DNASE1: variants seen among roughly 807,000 people sequenced by gnomAD.
The protein encoded by DNASE1 is deoxyribonuclease-1.
Under a neutral mutation model 33.9 loss-of-function variants are expected in DNASE1, and 40 were observed. The observed-to-expected ratio is 1.18, with a 90% CI of 0.92 to 1.54. DNASE1 has a LOEUF of 1.54. Among genes scored for constraint, DNASE1 ranks in the 40% most tolerant of loss-of-function variants. The pLI, the probability that DNASE1 is intolerant of heterozygous loss-of-function variation, is 0.00. For synonymous variants in DNASE1, 216 were observed against 160.0 expected (o/e 1.35, Z -2.64); for missense variants, 518 against 372.6 (o/e 1.39, Z -3.21).
intron 1 of DNASE1, among the ~76,000 whole-genome samples, chr16:3,625,876 G>T (rs1201289407): frequency 6.6e-6 from 1 of 152,222 alleles, no homozygotes; most frequent in Admixed American, 6.5e-5. Flanking sequence ...GAGGCAGAAG[G>T]ATCGCTTTAG....
chr16:3,658,857 A>C, downstream of DNASE1: 1 of 1,614,032 alleles, frequency 6.2e-7, no homozygotes, highest in Admixed American at 1.7e-5. Flanking sequence ...CTTCTTGATG[A>C]GCGCGTGCCT....
chr16:3,633,476 T>TAATCCCAGCTACTC (rs1402050513), intron 1 of DNASE1, among the ~76,000 whole-genome samples: 1 of 151,926 alleles, frequency 6.6e-6, no homozygotes, highest in Non-Finnish European at 1.5e-5. Flanking sequence ...GGCGTGGTGG[T>TAATCCCAGCTACTC]GGACGCCTGT....
intron 1 of DNASE1, among the ~76,000 whole-genome samples, chr16:3,620,937 A>G (rs1296060937): frequency 6.6e-6 from 1 of 152,028 alleles, no homozygotes; most frequent in South Asian, 2.1e-4. Context: ...AGTAGCTGGG[A>G]TTACAGGCGC....
upstream of DNASE1, chr16:3,651,481 T>C (rs375763590): frequency 2.6e-5 from 4 of 152,386 alleles, no homozygotes; most frequent in South Asian, 8.3e-4. Context: ...TTCTTGGGCA[T>C]TCCCCAGGCC....
upstream of DNASE1, chr16:3,641,116 G>C (rs968489027): frequency 5.0e-6 from 2 of 396,652 alleles, no homozygotes; most frequent in South Asian, 2.9e-4. Flanking sequence ...CTGTGGCAGG[G>C]TGGCTAGTGG....
intron 1 of DNASE1, among the ~76,000 whole-genome samples, chr16:3,644,110 T>C (rs1264001657): frequency 1.3e-5 from 2 of 152,134 alleles, no homozygotes; most frequent in Non-Finnish European, 2.9e-5. Context: ...TCATAAAAAA[T>C]ATAATGGAAG....
At chr16:3,625,615 C>T (rs1471136266) in intron 1 of DNASE1, among the ~76,000 whole-genome samples, 8 of 149,854 alleles carry the variant, frequency 5.3e-5, no homozygotes, top group Non-Finnish European at 7.4e-5. Flanking sequence ...AGAGCAAGAC[C>T]CTGTGTCAAA....
chr16:3,613,891 G>T (rs1009506971), intron 1 of DNASE1, among the ~76,000 whole-genome samples: 12 of 149,420 alleles, frequency 8.0e-5, no homozygotes, highest in African/African-American at 2.0e-4. Flanking sequence ...ACAGGCGCCC[G>T]CAACCGCGCC....
intron 1 of DNASE1, among the ~76,000 whole-genome samples, chr16:3,646,320 T>A (rs2042170905): frequency 6.6e-6 from 1 of 152,080 alleles, no homozygotes; most frequent in Non-Finnish European, 1.5e-5. Flanking sequence ...CCAGTAATAT[T>A]TTCATGGGCA....
At chr16:3,618,865 T>G (rs2041201903) in intron 1 of DNASE1, among the ~76,000 whole-genome samples, 1 of 151,984 alleles carries the variant, frequency 6.6e-6, no homozygotes, top group Non-Finnish European at 1.5e-5. Context: ...GTTTTGTAAT[T>G]TTTTTTTAGT....
At chr16:3,663,357 T>A in exon 10 of DNASE1, 1 of 1,595,784 alleles carries the variant, frequency 6.3e-7, no homozygotes, top group Admixed American at 1.7e-5. Context: ...AAGCCCTCGC[T>A]GCGGGGCAGG....
chr16:3,622,793 A>G (rs983964886), intron 1 of DNASE1, among the ~76,000 whole-genome samples: 7 of 152,122 alleles, frequency 4.6e-5, no homozygotes, highest in African/African-American at 1.7e-4. Context: ...GTAGAGCTTT[A>G]CAGTTTTTTG....
chr16:3,664,538 C>G, exon 10 of DNASE1: 1 of 1,455,544 alleles, frequency 6.9e-7, no homozygotes, highest in Non-Finnish European at 9.2e-7. Flanking sequence ...CGCAAACCCT[C>G]CGATGCCCAT....
At chr16:3,613,445 C>A (rs1372531594) in intron 1 of DNASE1, among the ~76,000 whole-genome samples, 1 of 152,174 alleles carries the variant, frequency 6.6e-6, no homozygotes, top group Admixed American at 6.5e-5. Flanking sequence ...GTTCATAACA[C>A]AAGTTTTTGT....
intron 5 of DNASE1, 64 bp from the exon 6 acceptor site, chr16:3,656,935 G>C (rs2042691099): frequency 6.3e-7 from 1 of 1,584,448 alleles, no homozygotes; most frequent in Non-Finnish European, 8.6e-7. Flanking sequence ...CATAGTTCCA[G>C]CTGACATGGT....
intron 1 of DNASE1, among the ~76,000 whole-genome samples, chr16:3,644,927 G>A (rs750928073): frequency 9.9e-5 from 15 of 151,000 alleles, no homozygotes; most frequent in South Asian, 2.1e-4. Flanking sequence ...TTAGGAGTTC[G>A]AGACCAGCCT....
chr16:3,654,416 G>A (rs2042462842), upstream of DNASE1: 1 of 398,770 alleles, frequency 2.5e-6, no homozygotes, highest in Non-Finnish European at 4.4e-6. Flanking sequence ...AGGCAGGCGT[G>A]TCCTGGGCCA....
upstream of DNASE1, among the ~76,000 whole-genome samples, chr16:3,642,660 TGAGGAATA>T (rs199760221): frequency 4.1e-3 from 617 of 152,022 alleles, 3 homozygotes; most frequent in African/African-American, 0.013. Flanking sequence ...TGATTCGTGG[TGAGGAATA>T]GAGGAATAGA....
Position 3,664,449 on chromosome 16 carries a change from G to C in DNASE1, c.*6496G>C, listed in dbSNP as rs200472693. ...CGAGGACTCGTAGCGCAGCAGCTTTGCTATGTCCTCCTAGAAGGGACGGGG... is the reference window on the plus strand; with the variant it reads ...CGAGGACTCGTAGCGCAGCAGCTTTCCTATGTCCTCCTAGAAGGGACGGGG... On this transcript the variant is annotated 3_prime_UTR_variant, in exon 10 of 10. Transcript: ENST00000407479. The C allele has an allele frequency of 1.6e-5, 26 of 1,610,522 alleles. No individual in the cohort carries two copies. The highest frequency in any genetic ancestry group is 1.5e-4 in the Admixed American group (9 of 59,300).
Sources: gnomAD v4.1 joint callset for allele counts (sites outside exome capture counted in the v4.1 genomes callset) on GRCh38, gnomAD v4.1.1 for gene constraint, MANE v1.5 for transcripts, NCBI Gene and HGNC (gene_info 2026-07-23, HGNC 2026-07-21) for gene names.